Variants in RAB40B observed in about 807,000 individuals in gnomAD.
RAB40B encodes RAB40B, member RAS oncogene family.
RAB40B carries 21 observed loss-of-function variants against 24.0 expected under a neutral mutation model. The ratio of observed to expected loss-of-function variants is 0.88; its 90% CI spans 0.62 to 1.26. RAB40B has a LOEUF of 1.26. RAB40B is among the 50% of genes most tolerant of loss of function. The probability of loss-of-function intolerance (pLI) is 0.00; values close to 1 mark genes in which losing one functional copy is unlikely to be tolerated. For synonymous variants in RAB40B, 167 were observed against 169.8 expected (o/e 0.98, Z 0.13); for missense variants, 348 against 390.5 (o/e 0.89, Z 0.92).
Position 82,655,950 on chromosome 17 carries a change from CTT to C in RAB40B, c.*1911_*1912del, listed in dbSNP as rs66478872. On this transcript the variant is annotated 3_prime_UTR_variant, in exon 6 of 6. Coordinates refer to ENST00000571995, the MANE Select transcript of RAB40B (RefSeq NM_006822.3). ...CCTGATTCTAGGGTCCCTTAAATTT[CTT>C]TTTTTTTTTTTTTTTTAGATGGAGT... The C allele has an allele frequency of 0.052, 6,873 of 132,954 alleles. 417 individuals are homozygous for C. The highest frequency in any genetic ancestry group is 0.15 in the African/African-American group (5,304 of 35,994). The allele number at this position is 132,954 out of a possible 1,614,324, so 8.2% of individuals were successfully genotyped here. A position where few individuals can be genotyped will look rare whatever the true frequency, so the allele number is the denominator to read the frequency against.
intron 1 of RAB40B, among the ~76,000 whole-genome samples, chr17:82,680,191 G>A (rs1015274314): frequency 6.6e-6 from 1 of 152,188 alleles, no homozygotes; most frequent in Non-Finnish European, 1.5e-5. Flanking sequence ...GGTGACCTCT[G>A]TCACGGAGGT....
At chr17:82,664,685 C>T in intron 1 of RAB40B, 129 bp from the exon 2 acceptor site, 4 of 866,696 alleles carry the variant, frequency 4.6e-6, no homozygotes, top group South Asian at 3.2e-5. Context: ...GCGGATGGGA[C>T]CCCCTCCCTG....
chr17:82,684,220 C>A (rs374432795), intron 1 of RAB40B, among the ~76,000 whole-genome samples: 839 of 120,118 alleles, frequency 7.0e-3, no homozygotes, highest in Middle Eastern at 0.012. Flanking sequence ...GACTCTGTCT[C>A]AAAAAAAAAA....
chr17:82,659,352 C>T (rs1358777293), intron 4 of RAB40B: 4 of 549,700 alleles, frequency 7.3e-6, no homozygotes, highest in Non-Finnish European at 1.3e-5. Context: ...CGTGGACGCT[C>T]GTTTCGTCTG....
intron 2 of RAB40B, chr17:82,662,747 A>C: frequency 1.0e-6 from 1 of 985,120 alleles, no homozygotes; most frequent in Non-Finnish European, 1.2e-6. Context: ...CTCACTCCTG[A>C]GGTGAGAGGG....
chr17:82,686,639 G>T (rs1353291885), intron 1 of RAB40B, among the ~76,000 whole-genome samples: 1 of 152,204 alleles, frequency 6.6e-6, no homozygotes, highest in Non-Finnish European at 1.5e-5. Flanking sequence ...GTCAGGAAGG[G>T]TCCCCGCTTA....
chr17:82,691,423 C>A (rs9912679), intron 1 of RAB40B, among the ~76,000 whole-genome samples: 1 of 152,122 alleles, frequency 6.6e-6, no homozygotes, highest in Non-Finnish European at 1.5e-5. Flanking sequence ...CGGTGGCTCA[C>A]GCCTGTAATC....
intron 1 of RAB40B, among the ~76,000 whole-genome samples, chr17:82,683,000 G>T (rs568632876): frequency 6.6e-6 from 1 of 152,036 alleles, no homozygotes; most frequent in Admixed American, 6.6e-5. Flanking sequence ...AAAATTAGCC[G>T]GGCATGGTGG....
In RAB40B at chr17:82,675,082, G is replaced by A. The variant is rs374147807; in HGVS notation, c.143-10526C>T. The stretch of plus-strand genomic sequence containing the variant: ...AGCACAATGACTGGAGAGAGAGAGA[G>A]AAAACATCTGACACCCCCTAAACTG... On this transcript the variant is annotated intron_variant, in intron 1 of 5. Transcript: ENST00000571995. The surrounding 1 kb of genome is among the most constrained non-coding windows in gnomAD (Gnocchi z 4.5). Among the ~76,000 whole-genome samples the A allele has an allele frequency of 1.8e-4, 27 of 152,212 alleles. No homozygotes were observed. The highest frequency in any genetic ancestry group is 5.9e-4 in the Admixed American group (9 of 15,282).
chr17:82,698,605 C>T lies in RAB40B; in HGVS notation c.-9G>A. On this transcript the variant is annotated 5_prime_UTR_variant, in exon 1 of 6. Transcript: ENST00000571995. ...CTGCCCAGGGCGCTCATCGTGACGG[C>T]CCGGCGCCCCCACCCATGCCCGGCC... 1.4e-6 allele frequency: 2 copies of T among 1,442,658 alleles called. No homozygotes were observed. The highest frequency in any genetic ancestry group is 1.3e-5 in the South Asian group (1 of 74,378). 89.4% of individuals were successfully genotyped at this position (1,442,658 alleles called of 1,614,324 possible).
rs759642032 is a variant in RAB40B, at chr17:82,657,877, A to G, written c.823T>C (p.Cys275Arg). The G allele has an allele frequency of 1.4e-6, 2 of 1,402,656 alleles. No individual in the cohort carries two copies. The highest frequency in any genetic ancestry group is 1.9e-6 in the Non-Finnish European group (2 of 1,041,566). The allele number at this position is 1,402,656 out of a possible 1,614,324, so 86.9% of individuals were successfully genotyped here. A position where few individuals can be genotyped will look rare whatever the true frequency, so the allele number is the denominator to read the frequency against. ...CAGTGCCTTCCTTAAGAAATTTTGC[A>G]GCTGTTTCTGGTGCAGTTTTTGGGG... is the stretch of plus-strand genomic sequence containing the variant. ...SPPKNCTRNS[C>R]KIS The change falls in exon 6 of 6, where the codon TGC becomes CGC. Residue 275 changes from cysteine (C) to arginine (R), a missense_variant. Cys to Arg is a radical substitution (Grantham distance 180). Transcript: ENST00000571995.
rs1452237627 is a variant in RAB40B at position 82,663,155 on chromosome 17, G to A, written c.203+1341C>T. 6.6e-6 allele frequency among the ~76,000 whole-genome samples: 1 copy of A among 152,162 alleles called. No individual in the cohort carries two copies. The highest frequency in any genetic ancestry group is 1.5e-5 in the Non-Finnish European group (1 of 68,012). On this transcript the variant is annotated intron_variant, in intron 2 of 5. Coordinates refer to ENST00000571995, the MANE Select transcript of RAB40B (RefSeq NM_006822.3). The surrounding 1 kb of genome is among the most constrained non-coding windows in gnomAD (Gnocchi z 6.2). Reference sequence around the variant, plus strand: ...GGACCTGAGAGCAGACTGGGCGGGAGGCCTGAAGCTGTGCAGCAGGAAGGG... The same window carrying A: ...GGACCTGAGAGCAGACTGGGCGGGAAGCCTGAAGCTGTGCAGCAGGAAGGG...
In RAB40B at chr17:82,675,633, T is replaced by A. The variant is rs1192614082; in HGVS notation, c.143-11077A>T. Among the ~76,000 whole-genome samples, 3 of 152,170 alleles carry A rather than the reference T, an allele frequency of 2.0e-5. No homozygotes were observed. The highest frequency in any genetic ancestry group is 4.4e-5 in the Non-Finnish European group (3 of 68,018). On this transcript the variant is annotated intron_variant, in intron 1 of 5. Transcript: ENST00000571995. The surrounding 1 kb of genome is among the most constrained non-coding windows in gnomAD (Gnocchi z 4.5). ...TAGATCAAGGTCCAGGCAGAGCCAG[T>A]GTCTGACGAGGGCTGCATCCTGGTT...
At position 82,657,546 on chromosome 17, in the gene RAB40B, A is replaced by T. The variant is rs2046097888; in HGVS notation, c.*317T>A. ...ATCACTCCAATATCACCGTTCTTAC[A>T]AAAGCAGTTATTTTAAGGAAAAAGT... On this transcript the variant is annotated 3_prime_UTR_variant, in exon 6 of 6. Transcript: ENST00000571995. 2 of 438,020 alleles carry T rather than the reference A, an allele frequency of 4.6e-6. No individual in the cohort carries two copies. Among genetic ancestry groups the T allele is most frequent in the Non-Finnish European group, 8.6e-6 (2 of 233,124 alleles). The allele number at this position is 438,020 out of a possible 1,614,324, so 27.1% of individuals were successfully genotyped here.
intron 1 of RAB40B, among the ~76,000 whole-genome samples, chr17:82,687,797 C>T (rs1005714452): frequency 6.6e-6 from 1 of 152,304 alleles, no homozygotes; most frequent in Non-Finnish European, 1.5e-5. Flanking sequence ...CCCAGCCAGG[C>T]GCGGTGGCTC....
intron 1 of RAB40B, 65 bp from the exon 2 acceptor site, chr17:82,664,621 G>T: frequency 6.8e-7 from 1 of 1,478,072 alleles, no homozygotes; most frequent in Non-Finnish European, 9.4e-7. Context: ...GAAGTCTCAC[G>T]TTCAGGGAAG....
At chr17:82,680,159 C>T (rs1054049261) in intron 1 of RAB40B, among the ~76,000 whole-genome samples, 7 of 152,234 alleles carry the variant, frequency 4.6e-5, no homozygotes, top group South Asian at 2.1e-4. Context: ...TCAACTCAGG[C>T]GGGCCCGGGC....
At chr17:82,691,414 G>A (rs9303032) in intron 1 of RAB40B, among the ~76,000 whole-genome samples, 75,687 of 151,908 alleles carry the variant, frequency 0.5, 20,056 homozygotes, top group East Asian at 0.79. Context: ...GGCCGGGCGC[G>A]GTGGCTCACG....
In RAB40B at chr17:82,668,472, C is replaced by T. The variant is rs145359467; in HGVS notation, c.143-3916G>A. Among the ~76,000 whole-genome samples the T allele has an allele frequency of 7.5e-3, 1,147 of 152,350 alleles. 11 individuals are homozygous for T. Among genetic ancestry groups the T allele is most frequent in the Non-Finnish European group, 8.6e-3 (586 of 68,030 alleles). On this transcript the variant is annotated intron_variant, in intron 1 of 5. Coordinates refer to ENST00000571995, the MANE Select transcript of RAB40B (RefSeq NM_006822.3). Reference sequence around the variant, plus strand: ...CACCCAGCTTGTTCATGCCAAGGGGCGCCTGCAGGCCAGCACTGAGCCACC... The same window carrying T: ...CACCCAGCTTGTTCATGCCAAGGGGTGCCTGCAGGCCAGCACTGAGCCACC...
Sources: gnomAD v4.1 joint callset for allele counts (sites outside exome capture counted in the v4.1 genomes callset) on GRCh38, gnomAD v4.1.1 for gene constraint, Gnocchi (gnomAD v3.1) non-coding constraint, MANE v1.5 for transcripts, NCBI Gene and HGNC (gene_info 2026-07-23, HGNC 2026-07-21) for gene names.